Variants in ZFHX3 observed in about 807,000 individuals in gnomAD.
ZFHX3 encodes zinc finger homeobox protein 3.
ZFHX3 carries 42 observed loss-of-function variants against 279.1 expected under a neutral mutation model. The observed-to-expected ratio is 0.15, with a 90% CI of 0.12 to 0.19. The LOEUF is 0.19. Ranked by LOEUF, ZFHX3 falls within the 10% of genes least tolerant of loss-of-function variation. The pLI is 1.00. For synonymous variants in ZFHX3, 2,293 were observed against 1,957.8 expected, an observed-to-expected ratio of 1.17 and a Z score of -4.52; for missense variants, 4,981 against 4,754.0, an observed-to-expected ratio of 1.05 and a Z score of -1.40.
chr16:73,192,195 TCTC>T (rs1399568509), intron 5 of ZFHX3, among the ~76,000 whole-genome samples: 7 of 152,058 alleles, frequency 4.6e-5, no homozygotes, highest in Non-Finnish European at 8.8e-5. Flanking sequence ...TGTCCACTGA[TCTC>T]CTCCCCAAAC....
intron 1 of ZFHX3, among the ~76,000 whole-genome samples, chr16:73,871,555 ACAG>A (rs2029862416): frequency 3.3e-5 from 5 of 152,250 alleles, no homozygotes; most frequent in African/African-American, 1.2e-4. Flanking sequence ...CCACAGGACC[ACAG>A]CCCCTTGGTG....
chr16:73,163,769 A>C (rs1178712023), intron 5 of ZFHX3, among the ~76,000 whole-genome samples: 2 of 152,192 alleles, frequency 1.3e-5, no homozygotes, highest in Non-Finnish European at 2.9e-5. Context: ...GATGAGAGAG[A>C]TGGAATAATC....
intron 2 of ZFHX3, among the ~76,000 whole-genome samples, chr16:73,559,323 C>T (rs550425533): frequency 5.8e-4 from 89 of 152,232 alleles, no homozygotes; most frequent in Middle Eastern, 6.8e-3. Context: ...TTTGGGATTA[C>T]GATCATGAGC....
intron 5 of ZFHX3, among the ~76,000 whole-genome samples, chr16:73,159,543 C>T (rs917754791): frequency 6.6e-6 from 1 of 152,090 alleles, no homozygotes; most frequent in Non-Finnish European, 1.5e-5. Context: ...TCAGCTGACA[C>T]GGAGCCTACT....
At chr16:73,224,291 G>A (rs946639805) in intron 5 of ZFHX3, among the ~76,000 whole-genome samples, 1 of 152,212 alleles carries the variant, frequency 6.6e-6, no homozygotes, top group Non-Finnish European at 1.5e-5. Flanking sequence ...GAGAGTAAAT[G>A]AGAACTCTTT....
chr16:73,666,117 C>G (rs2052840308), intron 2 of ZFHX3, among the ~76,000 whole-genome samples: 1 of 151,754 alleles, frequency 6.6e-6, no homozygotes, highest in Admixed American at 6.6e-5. Context: ...CACCCAGCTG[C>G]CTTTTCTTCA....
At chr16:73,641,872 G>C (rs1356893029) in intron 2 of ZFHX3, among the ~76,000 whole-genome samples, 3 of 152,086 alleles carry the variant, frequency 2.0e-5, no homozygotes, top group East Asian at 3.9e-4. Context: ...ATAGAAATTA[G>C]TAAACAAGCA....
chr16:73,801,925 T>C (rs1430900716), intron 1 of ZFHX3, among the ~76,000 whole-genome samples: 3 of 152,164 alleles, frequency 2.0e-5, no homozygotes, highest in Non-Finnish European at 2.9e-5. Flanking sequence ...CTTTCTCTAA[T>C]AGCTTAGTCA....
chr16:73,708,082 G>A (rs1178877840), intron 1 of ZFHX3, among the ~76,000 whole-genome samples: 1 of 150,968 alleles, frequency 6.6e-6, no homozygotes, highest in African/African-American at 2.4e-5. Flanking sequence ...GGTGTGGTGG[G>A]GGGGGGAAGT....
chr16:72,994,878 C>T (rs1963224785), intron 1 of ZFHX3, among the ~76,000 whole-genome samples: 1 of 152,208 alleles, frequency 6.6e-6, no homozygotes, highest in Admixed American at 6.5e-5. Context: ...TCTTCAAGAG[C>T]TGCCTGTGGA....
Position 72,795,405 on chromosome 16 carries a change from C to G in ZFHX3, c.7277G>C (p.Gly2426Ala). 1 of 1,614,084 alleles carries G rather than the reference C, an allele frequency of 6.2e-7. No individual in the cohort carries two copies. Among genetic ancestry groups the G allele is most frequent in the East Asian group, 2.2e-5 (1 of 44,872 alleles). Reference protein sequence around the residue: ...LATFNSKTEAGDEKPKLAEAP... With the variant: ...LATFNSKTEAADEKPKLAEAP... The stretch of plus-strand genomic sequence containing the variant: ...TTCCGCCAGCTTTGGTTTCTCATCG[C>G]CTGCCTCTGTTTTTGAATTGAAGGT... Residue 2426 changes from glycine (G) to alanine (A), a missense_variant, in exon 9 of 10, where the codon GGC becomes GCC. Around this residue, in one of 7 missense-constraint regions of ZFHX3, gnomAD observed 744 missense variants for 701.3 expected, o/e 1.06. Coordinates refer to ENST00000268489, the MANE Select transcript of ZFHX3 (RefSeq NM_006885.4).
At chr16:73,849,651 G>C (rs1187421295) in intron 1 of ZFHX3, among the ~76,000 whole-genome samples, 1 of 152,206 alleles carries the variant, frequency 6.6e-6, no homozygotes, top group African/African-American at 2.4e-5. Flanking sequence ...TCTTCACTGA[G>C]TCTTCGAAGA....
chr16:73,388,647 T>C (rs2016949654), intron 3 of ZFHX3, among the ~76,000 whole-genome samples: 4 of 152,122 alleles, frequency 2.6e-5, no homozygotes, highest in Admixed American at 2.6e-4. Flanking sequence ...CTAGCTCCTT[T>C]CCTCCTGAGA....
intron 2 of ZFHX3, among the ~76,000 whole-genome samples, chr16:73,556,657 G>A (rs1391442241): frequency 1.3e-5 from 2 of 152,018 alleles, no homozygotes; most frequent in African/African-American, 4.8e-5. Flanking sequence ...ATGTTACAGG[G>A]GGACCAAAGG....
intron 1 of ZFHX3, among the ~76,000 whole-genome samples, chr16:73,768,973 G>C (rs2053986043): frequency 6.6e-6 from 1 of 152,110 alleles, no homozygotes; most frequent in African/African-American, 2.4e-5. Flanking sequence ...TTGAAGTTCA[G>C]ATAAACAATG....
chr16:73,790,579 G>A (rs1374791107), intron 1 of ZFHX3, among the ~76,000 whole-genome samples: 1 of 152,030 alleles, frequency 6.6e-6, no homozygotes, highest in Non-Finnish European at 1.5e-5. Flanking sequence ...TCCTTTTATT[G>A]TCCCAACTCC....
At chr16:72,967,517 C>T (rs557260311) in intron 1 of ZFHX3, among the ~76,000 whole-genome samples, 24 of 151,350 alleles carry the variant, frequency 1.6e-4, no homozygotes, top group South Asian at 4.2e-4. Context: ...AACTAATAAA[C>T]GTAGAAAAAG....
intron 1 of ZFHX3, among the ~76,000 whole-genome samples, chr16:73,683,577 T>G (rs2053048934): frequency 6.6e-6 from 1 of 152,084 alleles, no homozygotes; most frequent in Non-Finnish European, 1.5e-5. Flanking sequence ...GTTTCTCTCT[T>G]GTTGCCAAGG....
chr16:73,591,312 C>G (rs1410254939), intron 2 of ZFHX3, among the ~76,000 whole-genome samples: 1 of 151,648 alleles, frequency 6.6e-6, no homozygotes, highest in African/African-American at 2.4e-5. Context: ...AAGATGGCAG[C>G]ACCGCACTCC....
Sources: gnomAD v4.1 joint callset for allele counts (sites outside exome capture counted in the v4.1 genomes callset) on GRCh38, gnomAD v4.1.1 for gene constraint, gnomAD v4.1.1 regional missense constraint, MANE v1.5 for transcripts, NCBI Gene and HGNC (gene_info 2026-07-23, HGNC 2026-07-21) for gene names.